Variants in NRP1 observed in about 807,000 individuals in gnomAD.
The protein encoded by NRP1 is neuropilin 1.
NRP1 carries 35 observed loss-of-function variants against 106.7 expected under a neutral mutation model. The observed-to-expected ratio is 0.33, with a 90% CI of 0.25 to 0.43. NRP1 has a LOEUF of 0.43. Ranked by LOEUF, NRP1 falls within the 20% of genes least tolerant of loss-of-function variation. The pLI, the probability that NRP1 is intolerant of heterozygous loss-of-function variation, is 1.00. For synonymous variants in NRP1, 437 were observed against 417.9 expected, an observed-to-expected ratio of 1.05 and a Z score of -0.56; for missense variants, 1,024 against 1,170.4, an observed-to-expected ratio of 0.87 and a Z score of 1.83.
chr10:33,315,949 A>G, intron 2 of NRP1, among the ~76,000 whole-genome samples: 1 of 152,214 alleles, frequency 6.6e-6, no homozygotes, highest in Non-Finnish European at 1.5e-5. Context: ...TTTGGCTAGA[A>G]TAGATAAGGG....
At chr10:33,180,425 C>A (rs998733853) in intron 16 of NRP1, 60 bp from the exon 17 acceptor site, 2 of 1,486,326 alleles carry the variant, frequency 1.3e-6, no homozygotes, top group Non-Finnish European at 1.8e-6. Flanking sequence ...TGAAAGCAGA[C>A]AGAAAAATAG....
chr10:33,209,370 C>A (rs1487609989), intron 9 of NRP1, among the ~76,000 whole-genome samples: 10 of 152,254 alleles, frequency 6.6e-5, no homozygotes, highest in Non-Finnish European at 1.5e-4. Context: ...ATACACACAG[C>A]AAGTGGCAGG....
intron 3 of NRP1, among the ~76,000 whole-genome samples, chr10:33,266,609 G>A (rs1194860690): frequency 6.6e-6 from 1 of 152,174 alleles, no homozygotes; most frequent in Admixed American, 6.5e-5. Context: ...GCAGAAAAGG[G>A]GTTAAGAAAG....
rs539009782 is a variant in NRP1, at chr10:33,183,050, G to A, written c.2432-302C>T. On this transcript the variant is annotated intron_variant, in intron 15 of 16. Transcript: ENST00000374867. ...CTGTTGTTTTAGGAGACAAGGGTGG[G>A]CTGGGTATGCTGGCTCGTGCCTATA... Among the ~76,000 whole-genome samples the A allele has an allele frequency of 3.0e-4, 46 of 152,288 alleles. No individual in the cohort carries two copies. In the South Asian group the frequency reaches 9.3e-3, roughly 31 times the overall value.
intron 13 of NRP1, among the ~76,000 whole-genome samples, chr10:33,191,387 T>G (rs12573679): frequency 0.16 from 24,000 of 152,152 alleles, 2,212 homozygotes; most frequent in East Asian, 0.5. Flanking sequence ...TACACTACAC[T>G]TTCAATCTTT....
Position 33,226,156 on chromosome 10 carries a change from A to G in NRP1, c.1115T>C (p.Ile372Thr), listed in dbSNP as rs1839648348. ...TACAACAGGTTTGTTTCCTTCTTTT[A>G]TGGTGATCCAGTCTTCCCCGTTGGA... Reference protein sequence around the residue: ...VSSNGEDWITIKEGNKPVLFQ... With the variant: ...VSSNGEDWITTKEGNKPVLFQ... Residue 372 changes from isoleucine (I) to threonine (T), a missense_variant, in exon 7 of 17, where the codon ATA becomes ACA. Around this residue, in one of 5 missense-constraint regions of NRP1, gnomAD observed 562 missense variants for 620.3 expected, o/e 0.91. Coordinates refer to ENST00000374867, the MANE Select transcript of NRP1 (RefSeq NM_003873.7). 2 of 1,614,040 alleles carry G rather than the reference A, an allele frequency of 1.2e-6. No homozygotes were observed. The highest frequency in any genetic ancestry group is 1.3e-5 in the African/African-American group (1 of 74,934).
chr10:33,301,901 A>G (rs1412004425), intron 2 of NRP1, among the ~76,000 whole-genome samples: 1 of 152,170 alleles, frequency 6.6e-6, no homozygotes, highest in Non-Finnish European at 1.5e-5. Context: ...AACATTGCTT[A>G]TTTTCAATAT....
intron 16 of NRP1, among the ~76,000 whole-genome samples, chr10:33,181,472 G>C (rs141019447): frequency 3.3e-5 from 5 of 152,282 alleles, no homozygotes; most frequent in African/African-American, 1.2e-4. Context: ...CCATTTCTAA[G>C]GGCAACAGAT....
intron 3 of NRP1, among the ~76,000 whole-genome samples, chr10:33,270,206 CTTTAT>C (rs1375036623): frequency 3.3e-5 from 5 of 151,866 alleles, no homozygotes; most frequent in Non-Finnish European, 7.4e-5. Context: ...GGTAATTTAC[CTTTAT>C]TTAAAGTACT....
intron 2 of NRP1, among the ~76,000 whole-genome samples, chr10:33,328,803 C>G (rs1848070635): frequency 6.6e-6 from 1 of 152,176 alleles, no homozygotes; most frequent in Non-Finnish European, 1.5e-5. Context: ...AAAGAGCCAG[C>G]TGTTAAACAT....
At chr10:33,233,837 C>T (rs558416533) in intron 6 of NRP1, among the ~76,000 whole-genome samples, 2 of 152,284 alleles carry the variant, frequency 1.3e-5, no homozygotes, top group East Asian at 3.9e-4. Context: ...CTTGACACTA[C>T]AAGCTAAAGA....
At chr10:33,291,876 G>A (rs1469095202) in intron 2 of NRP1, among the ~76,000 whole-genome samples, 1 of 152,134 alleles carries the variant, frequency 6.6e-6, no homozygotes, top group Non-Finnish European at 1.5e-5. Flanking sequence ...CAAGATCACA[G>A]TTAGGTTTTT....
intron 1 of NRP1, among the ~76,000 whole-genome samples, chr10:33,331,959 A>G (rs1037167544): frequency 3.3e-5 from 5 of 152,350 alleles, no homozygotes; most frequent in Middle Eastern, 6.8e-3. Flanking sequence ...TGGTAGATGT[A>G]GATTTTAACA....
At chr10:33,261,545 C>A (rs957790282) in intron 4 of NRP1, among the ~76,000 whole-genome samples, 5 of 152,220 alleles carry the variant, frequency 3.3e-5, no homozygotes, top group South Asian at 4.1e-4. Context: ...ATTATCATAA[C>A]CCTGTTTATA....
intron 12 of NRP1, chr10:33,195,409 A>C: frequency 2.3e-6 from 1 of 443,454 alleles, no homozygotes; most frequent in Admixed American, 2.7e-5. Flanking sequence ...CTGATTACAT[A>C]AAAGTATATA....
intron 2 of NRP1, among the ~76,000 whole-genome samples, chr10:33,291,989 G>C (rs1301733438): frequency 6.6e-6 from 1 of 152,020 alleles, no homozygotes; most frequent in Non-Finnish European, 1.5e-5. Flanking sequence ...CTGTAGCCTC[G>C]ACATCCTGGG....
chr10:33,284,060 T>C (rs1844335058), intron 2 of NRP1, among the ~76,000 whole-genome samples: 1 of 152,216 alleles, frequency 6.6e-6, no homozygotes, highest in Non-Finnish European at 1.5e-5. Context: ...TGTCCAAATG[T>C]ACTCTTCTCT....
rs1848509196 is a variant in NRP1, at chr10:33,334,574, C to T, written c.-192G>A. The T allele has an allele frequency of 2.2e-6, 1 of 463,430 alleles. No homozygotes were observed. Among genetic ancestry groups the T allele is most frequent in the African/African-American group, 2.1e-5 (1 of 47,506 alleles). The allele number at this position is 463,430 out of a possible 1,614,324, so 28.7% of individuals were successfully genotyped here. A position where few individuals can be genotyped will look rare whatever the true frequency, so the allele number is the denominator to read the frequency against. On this transcript the variant is annotated 5_prime_UTR_variant, in exon 1 of 17. Coordinates refer to ENST00000374867, the MANE Select transcript of NRP1 (RefSeq NM_003873.7). ...GAGAGGAACGCTTCTCTTTTTGTGT[C>T]TCAAGTCGCCTGCATCCTGTCATTT...
chr10:33,293,519 A>G (rs1845153122), intron 2 of NRP1, among the ~76,000 whole-genome samples: 1 of 152,172 alleles, frequency 6.6e-6, no homozygotes, highest in Non-Finnish European at 1.5e-5. Context: ...TGACCCCTAA[A>G]TGCTACCGAT....
Sources: gnomAD v4.1 joint callset for allele counts (sites outside exome capture counted in the v4.1 genomes callset) on GRCh38, gnomAD v4.1.1 for gene constraint, gnomAD v4.1.1 regional missense constraint, MANE v1.5 for transcripts, NCBI Gene and HGNC (gene_info 2026-07-23, HGNC 2026-07-21) for gene names.